Variants in SUPT3H observed in about 807,000 individuals in gnomAD.
SUPT3H encodes SPT3 homolog, SAGA and STAGA complex component.
SUPT3H carries 44 observed loss-of-function variants against 44.3 expected under a neutral mutation model. That is an observed-to-expected ratio of 0.99 (90% confidence interval 0.78 to 1.28). The LOEUF is 1.28. Ranked by LOEUF, SUPT3H falls within the 50% of genes most tolerant of loss-of-function variation. The pLI, the probability that SUPT3H is intolerant of heterozygous loss-of-function variation, is 0.00. For synonymous variants in SUPT3H, 124 were observed against 125.6 expected (o/e 0.99, Z 0.09); for missense variants, 380 against 387.1 (o/e 0.98, Z 0.15).
chr6:44,842,681 T>C (rs3823252), intron 10 of SUPT3H, among the ~76,000 whole-genome samples: 25,318 of 152,142 alleles, frequency 0.17, 2,415 homozygotes, highest in Admixed American at 0.28. Flanking sequence ...ATACCAGTGA[T>C]ATAAGAGCAG....
chr6:44,973,361 C>A (rs1777868466), intron 6 of SUPT3H, among the ~76,000 whole-genome samples: 1 of 152,172 alleles, frequency 6.6e-6, no homozygotes, highest in Non-Finnish European at 1.5e-5. Context: ...TTCCCAACAA[C>A]TTCCTCATCT....
chr6:45,233,447 G>T (rs1325901082), intron 2 of SUPT3H, among the ~76,000 whole-genome samples: 2 of 152,196 alleles, frequency 1.3e-5, no homozygotes, highest in Non-Finnish European at 2.9e-5. Flanking sequence ...CCTTGGTGAG[G>T]TCTTTAAATG....
rs1779754772 is a variant in SUPT3H at position 45,288,589 on chromosome 6, ATATATATGTGTATATATATATATG to A, written c.101+76588_101+76611del. Among the ~76,000 whole-genome samples the A allele has an allele frequency of 3.1e-3, 116 of 37,134 alleles. 1 individual carries two copies. Among genetic ancestry groups the A allele is most frequent in the Non-Finnish European group, 5.4e-3 (77 of 14,168 alleles). The allele number at this position is 37,134 out of a possible 152,430, so 24.4% of individuals were successfully genotyped here. On this transcript the variant is annotated intron_variant, in intron 2 of 10. Coordinates refer to ENST00000371459, the MANE Select transcript of SUPT3H (RefSeq NM_003599.4). ...TGTATATATATATATATATGTATAT[ATATATATGTGTATATATATATATG>A]TATATATATATATATATATATAGCA...
intron 2 of SUPT3H, among the ~76,000 whole-genome samples, chr6:45,304,123 T>C (rs1782619839): frequency 1.3e-5 from 2 of 152,208 alleles, no homozygotes; most frequent in South Asian, 4.1e-4. Context: ...CAGTAAGAGT[T>C]AGTCACTCTC....
intron 6 of SUPT3H, among the ~76,000 whole-genome samples, chr6:44,967,892 TGA>T (rs1776990174): frequency 1.3e-5 from 2 of 152,110 alleles, no homozygotes; most frequent in African/African-American, 4.8e-5. Context: ...CCAGTTTAAG[TGA>T]GCCTCCTGCC....
At chr6:44,957,391 T>A (rs1224840898) in intron 7 of SUPT3H, among the ~76,000 whole-genome samples, 5 of 152,156 alleles carry the variant, frequency 3.3e-5, no homozygotes, top group Non-Finnish European at 5.9e-5. Flanking sequence ...CTTTCTGACA[T>A]GCAACATTCC....
intron 10 of SUPT3H, among the ~76,000 whole-genome samples, chr6:44,867,807 C>T (rs2153428478): frequency 6.6e-6 from 1 of 152,320 alleles, no homozygotes; most frequent in South Asian, 2.1e-4. Flanking sequence ...AGGCGTACCA[C>T]AGCAAGGCAC....
Position 45,333,779 on chromosome 6 carries a change from C to T in SUPT3H, c.101+31422G>A, listed in dbSNP as rs371038770. 1.2e-4 allele frequency among the ~76,000 whole-genome samples: 18 copies of T among 151,414 alleles called. No homozygotes were observed. In the East Asian group the frequency reaches 2.9e-3, roughly 24 times the overall value. On this transcript the variant is annotated intron_variant, in intron 2 of 10. Coordinates refer to ENST00000371459, the MANE Select transcript of SUPT3H (RefSeq NM_003599.4). ...ACATGAAGAGAAAAAAATTGTTATT[C>T]ATGCACTTCCTCTACTCTATATTCT...
At chr6:45,337,484 T>G (rs967808274) in intron 2 of SUPT3H, among the ~76,000 whole-genome samples, 2 of 151,750 alleles carry the variant, frequency 1.3e-5, no homozygotes, top group African/African-American at 4.8e-5. Context: ...AAATCTTATT[T>G]TTTTAAGCTG....
intron 3 of SUPT3H, among the ~76,000 whole-genome samples, chr6:45,051,482 T>C (rs1790291201): frequency 6.6e-6 from 1 of 151,396 alleles, no homozygotes; most frequent in Non-Finnish European, 1.5e-5. Flanking sequence ...AAAATTTATG[T>C]ATAATACATA....
intron 7 of SUPT3H, chr6:44,955,565 C>T (rs896939968): frequency 3.9e-5 from 6 of 152,340 alleles, no homozygotes; most frequent in Non-Finnish European, 8.8e-5. Flanking sequence ...CCACAACAGC[C>T]ACAGCAAGCC....
rs548716966 is a variant in SUPT3H, at chr6:45,225,610, C to T, written c.102-119604G>A. ...TCTTCCACTATCTTCTTCCTCATCACTGAATAGATGGTATGCTAGTATGTT... is the reference window on the plus strand; with the variant it reads ...TCTTCCACTATCTTCTTCCTCATCATTGAATAGATGGTATGCTAGTATGTT... On this transcript the variant is annotated intron_variant, in intron 2 of 10. Coordinates refer to ENST00000371459, the MANE Select transcript of SUPT3H (RefSeq NM_003599.4). Among the ~76,000 whole-genome samples, 21 of 152,232 alleles carry T rather than the reference C, an allele frequency of 1.4e-4. No homozygotes were observed. The South Asian group carries it at 4.3e-3, about 32-fold the overall frequency.
intron 2 of SUPT3H, among the ~76,000 whole-genome samples, chr6:45,266,361 T>C (rs1208790474): frequency 6.6e-6 from 1 of 151,830 alleles, no homozygotes; most frequent in Non-Finnish European, 1.5e-5. Flanking sequence ...TGGTAAAAAT[T>C]TCTAATGATT....
chr6:44,887,730 C>A (rs1018868028), intron 10 of SUPT3H, among the ~76,000 whole-genome samples: 2 of 151,234 alleles, frequency 1.3e-5, no homozygotes, highest in South Asian at 2.1e-4. Flanking sequence ...AGAGCAAACA[C>A]ATTCAAAAGC....
chr6:45,083,215 G>A (rs569147210), intron 3 of SUPT3H, among the ~76,000 whole-genome samples: 90 of 150,508 alleles, frequency 6.0e-4, no homozygotes, highest in African/African-American at 1.9e-3. Context: ...TTTTTCAGAC[G>A]GAGTCTCACT....
chr6:44,810,884 T>C (rs1021576857), intron 11 of SUPT3H, among the ~76,000 whole-genome samples: 2 of 150,390 alleles, frequency 1.3e-5, no homozygotes. Flanking sequence ...CCAGCCTGGA[T>C]GACAGAGCGA....
In SUPT3H at chr6:45,311,002, G is replaced by A. The variant is rs1389149540; in HGVS notation, c.101+54199C>T. Among the ~76,000 whole-genome samples, 8 of 152,284 alleles carry A rather than the reference G, an allele frequency of 5.3e-5. No individual in the cohort carries two copies. The South Asian group carries it at 6.2e-4, about 12-fold the overall frequency. On this transcript the variant is annotated intron_variant, in intron 2 of 10. Coordinates refer to ENST00000371459, the MANE Select transcript of SUPT3H (RefSeq NM_003599.4). ...AAACAGGGAGGGACCAGAGAAAGGC[G>A]AAGCCCAATGCAAGGAAATCCAAAA...
intron 5 of SUPT3H, among the ~76,000 whole-genome samples, chr6:45,009,321 A>AGT: frequency 6.6e-6 from 1 of 152,190 alleles, no homozygotes; most frequent in African/African-American, 2.4e-5. Context: ...TAATTGATCA[A>AGT]GTCCAATTTT....
intron 10 of SUPT3H, among the ~76,000 whole-genome samples, chr6:44,895,414 C>T (rs566100397): frequency 4.6e-5 from 7 of 152,038 alleles, no homozygotes; most frequent in South Asian, 4.2e-4. Flanking sequence ...TTCAAAAGGA[C>T]GTGCTGAAAG....
Sources: gnomAD v4.1 joint callset for allele counts (sites outside exome capture counted in the v4.1 genomes callset) on GRCh38, gnomAD v4.1.1 for gene constraint, MANE v1.5 for transcripts, NCBI Gene and HGNC (gene_info 2026-07-23, HGNC 2026-07-21) for gene names.